Variants in RPS6KC1 observed in about 807,000 individuals in gnomAD.
RPS6KC1 encodes inactive ribosomal protein S6 kinase delta-1.
In RPS6KC1, 54 loss-of-function variants were observed where a neutral mutation model predicts 103.8. The observed-to-expected ratio is 0.52, with a 90% CI of 0.42 to 0.65. The LOEUF is 0.65. RPS6KC1 is among the 30% of genes least tolerant of loss of function. RPS6KC1 has a pLI of 0.00. For missense variants in RPS6KC1, 1,151 were observed against 1,253.8 expected, an observed-to-expected ratio of 0.92 and a Z score of 1.24; for synonymous variants, 439 against 438.7, an observed-to-expected ratio of 1.00 and a Z score of -0.01.
At chr1:213,782,951 T>G in the RPS6KC1 span, among the ~76,000 whole-genome samples, 12 of 152,180 alleles carry the variant, frequency 7.9e-5, no homozygotes, top group Non-Finnish European at 1.5e-4. Flanking sequence ...TTCTCAGGCC[T>G]CCTCTGGCTT....
the RPS6KC1 span, among the ~76,000 whole-genome samples, chr1:213,363,804 T>C: frequency 3.0e-3 from 322 of 107,630 alleles, 30 homozygotes; most frequent in Non-Finnish European, 4.5e-3. Flanking sequence ...CTTTCTTTCT[T>C]TCTTTCTTTC....
Position 213,129,539 on chromosome 1 carries a change from A to G in RPS6KC1, c.485A>G (p.Asp162Gly). The change falls in exon 6 of 15, where the codon GAC (aspartate) becomes GGC (glycine). Residue 162 changes from aspartate to glycine, a missense_variant. By Grantham distance (94) the Asp-to-Gly change is moderately conservative. This residue lies in a region of RPS6KC1 where 959 missense variants were observed against 1,006.3 expected (regional missense o/e 0.95). Transcript: ENST00000366960. The stretch of plus-strand genomic sequence containing the variant: ...ATCATATTTCTAGGCTTCTCCAGTG[A>G]CAGTGATCTGGTATCTCTTACTGTT... The part of the protein sequence containing the change: ...PECSTEGFSS[D>G]SDLVSLTVDV... 1 of 1,606,376 alleles carries G rather than the reference A, an allele frequency of 6.2e-7. No individual in the cohort carries two copies. The highest frequency in any genetic ancestry group is 8.5e-7 in the Non-Finnish European group (1 of 1,176,806).
At chr1:213,138,847 T>C (rs1379575145) in intron 6 of RPS6KC1, among the ~76,000 whole-genome samples, 1 of 152,234 alleles carries the variant, frequency 6.6e-6, no homozygotes, top group Non-Finnish European at 1.5e-5. Flanking sequence ...GGTAGAATAA[T>C]TTGTATCTTT....
At chr1:213,117,916 G>A (rs1290818754) in intron 5 of RPS6KC1, among the ~76,000 whole-genome samples, 1 of 149,628 alleles carries the variant, frequency 6.7e-6, no homozygotes, top group African/African-American at 2.5e-5. Context: ...TAGCTACTAG[G>A]GAGGCTGAGG....
chr1:213,715,849 C>G, the RPS6KC1 span, among the ~76,000 whole-genome samples: 476 of 152,300 alleles, frequency 3.1e-3, 1 homozygote, highest in Non-Finnish European at 3.4e-3. Context: ...TTCCTCTTTC[C>G]TCCTATGAAT....
the RPS6KC1 span, among the ~76,000 whole-genome samples, chr1:213,670,748 G>T: frequency 5.9e-5 from 9 of 152,176 alleles, no homozygotes; most frequent in Non-Finnish European, 1.2e-4. Context: ...CATCGGTGGT[G>T]GGGACAGGTT....
chr1:213,244,864 C>G (rs750475894), intron 12 of RPS6KC1, among the ~76,000 whole-genome samples: 4 of 152,116 alleles, frequency 2.6e-5, no homozygotes, highest in Non-Finnish European at 4.4e-5. Flanking sequence ...TGAAGAGGTG[C>G]TTTGTTGTCA....
the RPS6KC1 span, among the ~76,000 whole-genome samples, chr1:213,662,428 ATT>A: frequency 1.8e-3 from 215 of 120,884 alleles, 1 homozygote; most frequent in South Asian, 6.4e-3. Context: ...CACCTGGCTA[ATT>A]TTTTTTTTTT....
chr1:213,779,390 C>T, the RPS6KC1 span, among the ~76,000 whole-genome samples: 1 of 152,220 alleles, frequency 6.6e-6, no homozygotes, highest in Non-Finnish European at 1.5e-5. Context: ...TATCTAACTC[C>T]TGGTGCTCAG....
At chr1:213,828,008 T>C in the RPS6KC1 span, among the ~76,000 whole-genome samples, 1 of 152,220 alleles carries the variant, frequency 6.6e-6, no homozygotes, top group Non-Finnish European at 1.5e-5. Flanking sequence ...TTTCTCTCTC[T>C]ACCTGCTGTT....
At chr1:213,230,151 AT>A (rs919756287) in intron 8 of RPS6KC1, among the ~76,000 whole-genome samples, 2 of 152,042 alleles carry the variant, frequency 1.3e-5, no homozygotes, top group African/African-American at 2.4e-5. Flanking sequence ...GACTTGAACA[AT>A]TTTTTTTGAA....
chr1:213,535,087 T>C, the RPS6KC1 span, among the ~76,000 whole-genome samples: 1 of 152,234 alleles, frequency 6.6e-6, no homozygotes, highest in African/African-American at 2.4e-5. Context: ...AGAAAGCCGA[T>C]CAGCTTAGGT....
chr1:213,362,203 A>G, the RPS6KC1 span, among the ~76,000 whole-genome samples: 1 of 152,222 alleles, frequency 6.6e-6, no homozygotes, highest in East Asian at 1.9e-4. Flanking sequence ...GTTTGCTGAA[A>G]GTTTCCAACT....
chr1:213,757,237 T>C, the RPS6KC1 span, among the ~76,000 whole-genome samples: 184 of 152,348 alleles, frequency 1.2e-3, no homozygotes, highest in African/African-American at 3.9e-3. Context: ...GAGGAAGGCA[T>C]GTCAAAACCC....
At chr1:213,247,266 C>T (rs996948442) in intron 12 of RPS6KC1, among the ~76,000 whole-genome samples, 1 of 152,220 alleles carries the variant, frequency 6.6e-6, no homozygotes, top group Non-Finnish European at 1.5e-5. Context: ...CACTTGGAAA[C>T]AGCTCACAGC....
At chr1:213,733,675 G>T in the RPS6KC1 span, among the ~76,000 whole-genome samples, 1 of 151,738 alleles carries the variant, frequency 6.6e-6, no homozygotes, top group Non-Finnish European at 1.5e-5. Context: ...CCTTTCGTGG[G>T]TTTTATCTTA....
the RPS6KC1 span, among the ~76,000 whole-genome samples, chr1:213,387,855 C>A: frequency 6.6e-6 from 1 of 152,220 alleles, no homozygotes; most frequent in Non-Finnish European, 1.5e-5. Context: ...GCTGAGCTGG[C>A]AAGAGGCAGG....
intron 3 of RPS6KC1, among the ~76,000 whole-genome samples, chr1:213,097,350 A>C (rs933263287): frequency 6.6e-6 from 1 of 152,148 alleles, no homozygotes; most frequent in Non-Finnish European, 1.5e-5. Flanking sequence ...AGACTGTCTC[A>C]AAAAAAATTT....
intron 12 of RPS6KC1, among the ~76,000 whole-genome samples, chr1:213,253,044 A>G (rs1176395148): frequency 6.6e-6 from 1 of 152,236 alleles, no homozygotes; most frequent in Non-Finnish European, 1.5e-5. Flanking sequence ...AAAAAAGCCT[A>G]GTTAAGAAAA....
Sources: gnomAD v4.1 joint callset for allele counts (sites outside exome capture counted in the v4.1 genomes callset) on GRCh38, gnomAD v4.1.1 for gene constraint, gnomAD v4.1.1 regional missense constraint, MANE v1.5 for transcripts, NCBI Gene and HGNC (gene_info 2026-07-23, HGNC 2026-07-21) for gene names.